Variants in GTF3C1 observed in about 807,000 individuals in gnomAD.
The protein encoded by GTF3C1 is general transcription factor IIIC subunit 1.
A neutral mutation model predicts 226.7 loss-of-function variants in GTF3C1; 57 were observed. The observed-to-expected ratio is 0.25, with a 90% CI of 0.20 to 0.31. The LOEUF (loss-of-function observed/expected upper bound fraction) is 0.31, where lower values mean the gene tolerates loss of function less well. Among genes scored for constraint, GTF3C1 ranks in the 10% least tolerant of loss-of-function variants. The pLI is 1.00. For missense variants in GTF3C1, 2,217 were observed against 2,776.1 expected (o/e 0.80, Z 4.53); for synonymous variants, 1,090 against 1,084.8 (o/e 1.00, Z -0.09).
At position 27,494,380 on chromosome 16, in the gene GTF3C1, G is replaced by A. The variant is rs188511332; in HGVS notation, c.2778+383C>T. Among the ~76,000 whole-genome samples, 816 of 140,706 alleles carry A rather than the reference G, an allele frequency of 5.8e-3. 11 individuals carry two copies. The highest frequency in any genetic ancestry group is 0.021 in the African/African-American group (781 of 37,562). 92.3% of individuals were successfully genotyped at this position (140,706 alleles called of 152,430 possible). ...CGCGCCACTGCACTCCAGCCTAGAC[G>A]ACAGAGCAAGACTCTGTCTCATAAA... On this transcript the variant is annotated intron_variant, in intron 16 of 36. Coordinates refer to ENST00000356183, the MANE Select transcript of GTF3C1 (RefSeq NM_001520.4).
At chr16:27,518,215 G>A (rs978061569) in intron 6 of GTF3C1, among the ~76,000 whole-genome samples, 18 of 151,842 alleles carry the variant, frequency 1.2e-4, no homozygotes, top group African/African-American at 4.4e-4. Flanking sequence ...ACACATGCCT[G>A]GCCAGAGGCT....
intron 34 of GTF3C1, 52 bp downstream of exon 34, chr16:27,464,268 G>T: frequency 8.1e-7 from 1 of 1,230,100 alleles, no homozygotes. Flanking sequence ...GGGCGGAGGG[G>T]AGGGAAAGCC....
chr16:27,481,055 G>A (rs530976217), intron 27 of GTF3C1, 24 bp downstream of exon 27: 1 of 1,591,328 alleles, frequency 6.3e-7, no homozygotes, highest in Admixed American at 1.7e-5. Context: ...AGGGCCACAT[G>A]GAACCATCCC....
chr16:27,548,042 G>A (rs1173195159), intron 1 of GTF3C1, among the ~76,000 whole-genome samples: 6 of 152,068 alleles, frequency 3.9e-5, no homozygotes, highest in Admixed American at 3.9e-4. Flanking sequence ...TCAGGGCCTC[G>A]ATTTTCTCTT....
intron 1 of GTF3C1, among the ~76,000 whole-genome samples, chr16:27,548,975 G>T (rs1051397781): frequency 2.6e-5 from 4 of 152,148 alleles, no homozygotes; most frequent in Non-Finnish European, 4.4e-5. Flanking sequence ...CCAACATGAT[G>T]ACACCCCATA....
intron 2 of GTF3C1, among the ~76,000 whole-genome samples, chr16:27,539,273 T>C (rs921324921): frequency 6.6e-6 from 1 of 152,136 alleles, no homozygotes; most frequent in Admixed American, 6.6e-5. Context: ...GGCCAGACCT[T>C]GCCTTCAAAT....
At chr16:27,533,528 C>T in intron 4 of GTF3C1, 141 bp from the exon 5 acceptor site, 1 of 618,014 alleles carries the variant, frequency 1.6e-6, no homozygotes, top group South Asian at 1.9e-5. Context: ...TCTCAAAGAT[C>T]ATCCAGCCCA....
rs377512725 is a variant in GTF3C1 at position 27,465,492 on chromosome 16, G to C, written c.5123C>G (p.Thr1708Arg). The change falls in exon 33 of 37, where the codon ACG becomes AGG. Residue 1708 changes from threonine (T) to arginine (R), a missense_variant. This residue lies in a region of GTF3C1 where 455 missense variants were observed against 441.9 expected (regional missense o/e 1.03). Transcript: ENST00000356183. ...LTMGTSCLPD[T>R]FTKLINPQEN... ...CTGGGGGTTTATCAGCTTGGTGAAC[G>C]TATCAGGGAGGCAGGAGGTTCCCAT... 1 of 1,604,650 alleles carries C rather than the reference G, an allele frequency of 6.2e-7. No homozygotes were observed.
At chr16:27,484,649 G>A (rs1396454031) in intron 24 of GTF3C1, among the ~76,000 whole-genome samples, 3 of 152,202 alleles carry the variant, frequency 2.0e-5, no homozygotes, top group Non-Finnish European at 2.9e-5. Flanking sequence ...CTGAAAGGGC[G>A]CTGTATTAGA....
rs533549138 is a variant in GTF3C1, at chr16:27,534,326, G to A, written c.753-939C>T. On this transcript the variant is annotated intron_variant, in intron 4 of 36. Coordinates refer to ENST00000356183, the MANE Select transcript of GTF3C1 (RefSeq NM_001520.4). Reference sequence around the variant, plus strand: ...CTGTGTAAGTCTAGTGGGAGCTCAGGGAGGGGTGCAGGGAGAAATCTTGTG... The same window carrying A: ...CTGTGTAAGTCTAGTGGGAGCTCAGAGAGGGGTGCAGGGAGAAATCTTGTG... Among the ~76,000 whole-genome samples the A allele has an allele frequency of 2.6e-5, 4 of 152,208 alleles. No homozygotes were observed. In the East Asian group the frequency reaches 7.7e-4, roughly 29 times the overall value.
In GTF3C1 at chr16:27,480,999, C is replaced by T. The variant is rs2088036150; in HGVS notation, c.4196+80G>A. The T allele has an allele frequency of 9.3e-6, 11 of 1,176,554 alleles. No homozygotes were observed. In the South Asian group the frequency reaches 9.9e-5, roughly 11 times the overall value. The allele number at this position is 1,176,554 out of a possible 1,614,324, so 72.9% of individuals were successfully genotyped here. A position where few individuals can be genotyped will look rare whatever the true frequency, so the allele number is the denominator to read the frequency against. On this transcript the variant is annotated intron_variant, in intron 27 of 36. Transcript: ENST00000356183. The stretch of plus-strand genomic sequence containing the variant: ...AGGCAGGTGCTGTGCGCTTCCCGGA[C>T]CTGCTGATAAGGGAGACAGGGCTGG...
Position 27,497,494 on chromosome 16 carries a change from G to A in GTF3C1, c.2350+143C>T, listed in dbSNP as rs149934920. The A allele has an allele frequency of 9.5e-5, 62 of 649,874 alleles. No homozygotes were observed. The African/African-American group carries it at 1.0e-3, about 11-fold the overall frequency. 40.3% of individuals were successfully genotyped at this position (649,874 alleles called of 1,614,324 possible). A position where few individuals can be genotyped will look rare whatever the true frequency, so the allele number is the denominator to read the frequency against. Reference sequence around the variant, plus strand: ...TGCTGGAAGAAGTTATGCGGCCAGAGTAACAGGATCCAGCCCACAGCTCAG... The same window carrying A: ...TGCTGGAAGAAGTTATGCGGCCAGAATAACAGGATCCAGCCCACAGCTCAG... On this transcript the variant is annotated intron_variant, in intron 14 of 36. Transcript: ENST00000356183.
intron 2 of GTF3C1, among the ~76,000 whole-genome samples, chr16:27,543,025 G>A (rs376760060): frequency 1.3e-5 from 2 of 152,300 alleles, no homozygotes; most frequent in South Asian, 2.1e-4. Flanking sequence ...GCAGATTATT[G>A]GAATAACACA....
intron 13 of GTF3C1, among the ~76,000 whole-genome samples, 180 bp downstream of exon 13, chr16:27,498,450 C>G (rs1401408658): frequency 1.3e-5 from 2 of 151,710 alleles, no homozygotes; most frequent in Non-Finnish European, 1.5e-5. Context: ...CTTTTTTTTT[C>G]CCCCTAAAGA....
chr16:27,515,365 C>CT lies in GTF3C1; in HGVS notation c.974-3465dup, dbSNP rs202110845. 7.0e-3 allele frequency among the ~76,000 whole-genome samples: 1,058 copies of CT among 152,004 alleles called. 16 individuals carry two copies. The highest frequency in any genetic ancestry group is 0.024 in the African/African-American group (1,004 of 41,440). On this transcript the variant is annotated intron_variant, in intron 6 of 36. Coordinates refer to ENST00000356183, the MANE Select transcript of GTF3C1 (RefSeq NM_001520.4). The stretch of plus-strand genomic sequence containing the variant: ...TCGGAAGGCTGAAGCAGGAGGATTG[C>CT]TTGAGCCCAGGAGTTTGAGGTTGCA...
chr16:27,476,170 T>A (rs1199331334), intron 29 of GTF3C1, among the ~76,000 whole-genome samples: 1 of 152,210 alleles, frequency 6.6e-6, no homozygotes, highest in East Asian at 1.9e-4. Flanking sequence ...AAAGGTACTA[T>A]GTGGGGTGAT....
chr16:27,549,650 A>AC lies in GTF3C1; in HGVS notation c.221+19_221+20insG. On this transcript the variant is annotated intron_variant, in intron 1 of 36. Transcript: ENST00000356183. The stretch of plus-strand genomic sequence containing the variant: ...CCCTGCGCCCGCCCGCCCGCCCGCC[A>AC]GGCCAGGCCGCCCGCTGACCGGTCC... 1 of 453,094 alleles carries AC rather than the reference A, an allele frequency of 2.2e-6. No homozygotes were observed. Among genetic ancestry groups the AC allele is most frequent in the Non-Finnish European group, 3.6e-6 (1 of 280,536 alleles). The allele number at this position is 453,094 out of a possible 1,614,324, so 28.1% of individuals were successfully genotyped here.
At chr16:27,501,433 AC>A in intron 11 of GTF3C1, 89 bp from the exon 12 acceptor site, 3 of 1,170,814 alleles carry the variant, frequency 2.6e-6, no homozygotes, top group Non-Finnish European at 3.8e-6. Flanking sequence ...GCCTCACGGT[AC>A]CCAATAGAAA....
In GTF3C1 at chr16:27,476,497, G is replaced by A. The variant is rs752880004; in HGVS notation, c.4307C>T (p.Thr1436Met). ...FLVLQNLIQSTLALSDSQMKS... is the reference protein window; with the variant it reads ...FLVLQNLIQSMLALSDSQMKS... ...CATCTGACTGTCTGAGAGGGCCAGC[G>A]TGCTCTGGATCAGGTTCTGAAGCAC... The change falls in exon 29 of 37, where the codon ACG (threonine) becomes ATG (methionine). Residue 1436 changes from threonine to methionine, a missense_variant. Physicochemically the swap from Thr to Met is moderately conservative, Grantham distance 81. This residue lies in a region of GTF3C1 where 546 missense variants were observed against 663.0 expected (regional missense o/e 0.82). Coordinates refer to ENST00000356183, the MANE Select transcript of GTF3C1 (RefSeq NM_001520.4). 34 of 1,613,282 alleles carry A rather than the reference G, an allele frequency of 2.1e-5. No homozygotes were observed. The highest frequency in any genetic ancestry group is 3.3e-5 in the Admixed American group (2 of 60,006).
Sources: allele counts gnomAD v4.1 joint callset (sites outside exome capture counted in the v4.1 genomes callset), GRCh38; gene constraint gnomAD v4.1.1; regional missense constraint gnomAD v4.1.1; transcripts MANE v1.5; gene names NCBI Gene and HGNC (gene_info 2026-07-23, HGNC 2026-07-21).